Variants in UPF2 observed in about 807,000 individuals in gnomAD.
UPF2 encodes regulator of nonsense transcripts 2.
A neutral mutation model predicts 141.4 loss-of-function variants in UPF2; 17 were observed. That is an observed-to-expected ratio of 0.12 (90% CI 0.08 to 0.18). The LOEUF (loss-of-function observed/expected upper bound fraction) is 0.18, where lower values mean the gene tolerates loss of function less well. Among genes scored for constraint, UPF2 ranks in the 10% least tolerant of loss-of-function variants. The pLI, the probability that UPF2 is intolerant of heterozygous loss-of-function variation, is 1.00. For missense variants in UPF2, 1,152 were observed against 1,515.9 expected (o/e 0.76, Z 3.99); for synonymous variants, 540 against 498.0 (o/e 1.08, Z -1.12).
At chr10:11,990,849 G>A (rs112288050) in intron 8 of UPF2, among the ~76,000 whole-genome samples, 17 of 151,760 alleles carry the variant, frequency 1.1e-4, no homozygotes, top group African/African-American at 3.4e-4. Context: ...TTAGCTGGGC[G>A]TGGTGGCGGG....
intron 8 of UPF2, among the ~76,000 whole-genome samples, chr10:11,983,670 C>A (rs1016506111): frequency 2.0e-5 from 3 of 151,384 alleles, no homozygotes; most frequent in African/African-American, 2.4e-5. Flanking sequence ...CCGTGCCCGG[C>A]CTTGGATTCT....
chr10:12,041,342 T>G (rs1834730818), intron 1 of UPF2, among the ~76,000 whole-genome samples: 1 of 152,194 alleles, frequency 6.6e-6, no homozygotes, highest in Non-Finnish European at 1.5e-5. Context: ...TGAATACAAT[T>G]ATATTCAGAC....
At chr10:12,024,354 A>G (rs1834371458) in intron 3 of UPF2, among the ~76,000 whole-genome samples, 1 of 152,228 alleles carries the variant, frequency 6.6e-6, no homozygotes, top group Admixed American at 6.5e-5. Context: ...TGACGCCTAT[A>G]ATCCCAGCAC....
intron 8 of UPF2, among the ~76,000 whole-genome samples, chr10:11,981,339 C>CATATT (rs1833590100): frequency 6.6e-6 from 1 of 152,114 alleles, no homozygotes; most frequent in Non-Finnish European, 1.5e-5. Flanking sequence ...AGGCCTCTTA[C>CATATT]ATATATAACT....
At chr10:11,944,110 A>G (rs1470416489) in intron 16 of UPF2, among the ~76,000 whole-genome samples, 1 of 152,154 alleles carries the variant, frequency 6.6e-6, no homozygotes, top group Non-Finnish European at 1.5e-5. Context: ...AATGTGTTAC[A>G]TTATCTTTAG....
At position 11,959,121 on chromosome 10, in the gene UPF2, T is replaced by C; in HGVS notation, c.2370+50A>G. On this transcript the variant is annotated intron_variant, in intron 12 of 21. Coordinates refer to ENST00000357604, the MANE Select transcript of UPF2 (RefSeq NM_015542.4). The surrounding 1 kb of genome is among the most constrained non-coding windows in gnomAD (Gnocchi z 5.9). Reference sequence around the variant, plus strand: ...CCTAGACTCTACATAAGCTTAGCACTACCACAAATCTCACGTTAACTATTA... The same window carrying C: ...CCTAGACTCTACATAAGCTTAGCACCACCACAAATCTCACGTTAACTATTA... 6.6e-7 allele frequency: 1 copy of C among 1,523,756 alleles called. No homozygotes were observed. The highest frequency in any genetic ancestry group is 8.8e-7 in the Non-Finnish European group (1 of 1,141,544). 94.4% of individuals were successfully genotyped at this position (1,523,756 alleles called of 1,614,324 possible). A position where few individuals can be genotyped will look rare whatever the true frequency, so the allele number is the denominator to read the frequency against.
At chr10:12,030,767 C>T (rs1023759852) in intron 2 of UPF2, among the ~76,000 whole-genome samples, 8 of 151,240 alleles carry the variant, frequency 5.3e-5, no homozygotes, top group African/African-American at 1.9e-4. Context: ...GCCTGTAGTC[C>T]CAGCTACTCA....
At chr10:11,982,551 C>T (rs1452509930) in intron 8 of UPF2, among the ~76,000 whole-genome samples, 5 of 152,208 alleles carry the variant, frequency 3.3e-5, no homozygotes, top group Non-Finnish European at 5.9e-5. Flanking sequence ...GTCCCAGTCT[C>T]CCTGTTTTGA....
intron 8 of UPF2, among the ~76,000 whole-genome samples, chr10:11,981,390 T>TA (rs1833591018): frequency 2.0e-5 from 3 of 152,168 alleles, no homozygotes; most frequent in Admixed American, 6.5e-5. Context: ...AGGTGGATAT[T>TA]ACACTCACCA....
At position 11,921,311 on chromosome 10, in the gene UPF2, A is replaced by G; in HGVS notation, c.3810-4T>C. On this transcript the variant is annotated splice_region_variant and splice_polypyrimidine_tract_variant and intron_variant, in intron 21 of 21. Transcript: ENST00000357604. This position sits in a 1 kb window ranked among gnomAD's most constrained non-coding sequence, Gnocchi z 5.9. Reference sequence around the variant, plus strand: ...CGTGCTGCTGGATCAACGTCTCCTAAAGGAACAAACAGGGTCACATCAGAG... The same window carrying G: ...CGTGCTGCTGGATCAACGTCTCCTAGAGGAACAAACAGGGTCACATCAGAG... 1 of 1,614,158 alleles carries G rather than the reference A, an allele frequency of 6.2e-7. No homozygotes were observed. Among genetic ancestry groups the G allele is most frequent in the Non-Finnish European group, 8.5e-7 (1 of 1,180,020 alleles).
In UPF2 at chr10:11,976,036, C is replaced by A. The variant is rs562278666; in HGVS notation, c.1953+3021G>T. 3.9e-5 allele frequency among the ~76,000 whole-genome samples: 6 copies of A among 152,290 alleles called. No homozygotes were observed. In the East Asian group the frequency reaches 1.2e-3, roughly 29 times the overall value. ...TGAATGCCTCTAGGGCTCTTGAAAT[C>A]TAGTGCCAAACAGCTTCACCAGATT... is the stretch of plus-strand genomic sequence containing the variant. On this transcript the variant is annotated intron_variant, in intron 9 of 21. Coordinates refer to ENST00000357604, the MANE Select transcript of UPF2 (RefSeq NM_015542.4).
Position 11,927,159 on chromosome 10 carries a change from G to A in UPF2, c.3809+2706C>T, listed in dbSNP as rs180696954. The stretch of plus-strand genomic sequence containing the variant: ...CATCTTCCACAGTGCAGTCCTGGAT[G>A]AGTGTACACGGAGGGAGGCAAATCC... On this transcript the variant is annotated intron_variant, in intron 21 of 21. Transcript: ENST00000357604. Among the ~76,000 whole-genome samples, 579 of 152,310 alleles carry A rather than the reference G, an allele frequency of 3.8e-3. 1 individual carries two copies. The highest frequency in any genetic ancestry group is 0.01 in the Middle Eastern group (3 of 294).
In UPF2 at chr10:11,920,866, G is replaced by T; in HGVS notation, c.*432C>A. On this transcript the variant is annotated 3_prime_UTR_variant, in exon 22 of 22. Coordinates refer to ENST00000357604, the MANE Select transcript of UPF2 (RefSeq NM_015542.4). Reference sequence around the variant, plus strand: ...GCCCCCAAATGTATCTTCTTCCAACGTGGGATGTTCAATTCAGAGACACTG... The same window carrying T: ...GCCCCCAAATGTATCTTCTTCCAACTTGGGATGTTCAATTCAGAGACACTG... The T allele has an allele frequency of 2.6e-6, 1 of 382,318 alleles. No homozygotes were observed. The highest frequency in any genetic ancestry group is 5.3e-6 in the Non-Finnish European group (1 of 188,550). 23.7% of individuals were successfully genotyped at this position (382,318 alleles called of 1,614,324 possible). A position where few individuals can be genotyped will look rare whatever the true frequency, so the allele number is the denominator to read the frequency against.
In UPF2 at chr10:11,936,591, T is replaced by C. The variant is rs1832853814; in HGVS notation, c.3500A>G (p.Asp1167Gly). Reference sequence around the variant, plus strand: ...TGTTAACATGACAAACGGCATTGTGTCTGCAGACTCAGCCTCTCCTTCCCC... The same window carrying C: ...TGTTAACATGACAAACGGCATTGTGCCTGCAGACTCAGCCTCTCCTTCCCC... ...GGGEGEAESA[D>G]TMPFVMLTRK... is the part of the protein sequence containing the mutation. Residue 1167 changes from aspartate to glycine, a missense_variant, in exon 19 of 22, where the codon GAC becomes GGC. Coordinates refer to ENST00000357604, the MANE Select transcript of UPF2 (RefSeq NM_015542.4). The surrounding 1 kb of genome is among the most constrained non-coding windows in gnomAD (Gnocchi z 6.6). 2 of 1,611,804 alleles carry C rather than the reference T, an allele frequency of 1.2e-6. No individual in the cohort carries two copies. Among genetic ancestry groups the C allele is most frequent in the Admixed American group, 3.4e-5 (2 of 59,468 alleles).
At chr10:11,967,552 T>G (rs1433896230) in intron 9 of UPF2, 98 bp from the exon 10 acceptor site, 12 of 724,594 alleles carry the variant, frequency 1.7e-5, no homozygotes, top group African/African-American at 3.9e-5. Context: ...TCCAGTTTTT[T>G]TTTTTTTTTT....
Position 11,967,274 on chromosome 10 carries a change from T to C in UPF2, c.2067+67A>G, listed in dbSNP as rs1418004854. On this transcript the variant is annotated intron_variant, in intron 10 of 21. Coordinates refer to ENST00000357604, the MANE Select transcript of UPF2 (RefSeq NM_015542.4). Reference sequence around the variant, plus strand: ...AATCAAATATTAAATTATTTCACTTTATCCACCATTTATAATTAAAACTTT... The same window carrying C: ...AATCAAATATTAAATTATTTCACTTCATCCACCATTTATAATTAAAACTTT... 3.3e-6 allele frequency: 3 copies of C among 912,310 alleles called. No homozygotes were observed. The Admixed American group carries it at 1.0e-4, about 32-fold the overall frequency. 56.5% of individuals were successfully genotyped at this position (912,310 alleles called of 1,614,324 possible).
At position 11,955,498 on chromosome 10, in the gene UPF2, G is replaced by A. The variant is rs768446648; in HGVS notation, c.2584C>T (p.Pro862Ser). 1 of 1,610,516 alleles carries A rather than the reference G, an allele frequency of 6.2e-7. No homozygotes were observed. The change falls in exon 14 of 22, where the codon CCT becomes TCT. Residue 862 changes from proline (P) to serine (S), a missense_variant. Physicochemically the swap from Pro to Ser is moderately conservative, Grantham distance 74 (BLOSUM62 -1). Around this residue, in one of 4 missense-constraint regions of UPF2, gnomAD observed 739 missense variants for 1,032.2 expected, o/e 0.72. Transcript: ENST00000357604. Reference protein sequence around the residue: ...DIRLGMEVNQPKFNQRRISSA... With the variant: ...DIRLGMEVNQSKFNQRRISSA... ...CTGATGCGCCTCTGATTAAATTTAGGTTGATTAACCTAAAAGGCAACAAAA... is the reference window on the plus strand; with the variant it reads ...CTGATGCGCCTCTGATTAAATTTAGATTGATTAACCTAAAAGGCAACAAAA...
chr10:11,969,229 G>A (rs1255003400), intron 9 of UPF2, among the ~76,000 whole-genome samples: 3 of 151,206 alleles, frequency 2.0e-5, no homozygotes, highest in East Asian at 3.9e-4. Flanking sequence ...GTGCAATGGC[G>A]CGATCTCAGA....
At chr10:11,969,742 C>T (rs1833384555) in intron 9 of UPF2, among the ~76,000 whole-genome samples, 1 of 152,146 alleles carries the variant, frequency 6.6e-6, no homozygotes, top group Non-Finnish European at 1.5e-5. Flanking sequence ...GCACTGTGGA[C>T]CAGTTTTGCT....
Sources: gnomAD v4.1 joint callset for allele counts (sites outside exome capture counted in the v4.1 genomes callset) on GRCh38, gnomAD v4.1.1 for gene constraint, gnomAD v4.1.1 regional missense constraint, Gnocchi (gnomAD v3.1) non-coding constraint, MANE v1.5 for transcripts, NCBI Gene and HGNC (gene_info 2026-07-23, HGNC 2026-07-21) for gene names.